The following SND1 variants were observed in gnomAD, a reference collection of about 807,000 sequenced individuals.
SND1 encodes the protein staphylococcal nuclease and tudor domain containing 1.
In SND1, 38 loss-of-function variants were observed where a neutral mutation model predicts 121.7. The observed-to-expected ratio is 0.31, with a 90% confidence interval of 0.24 to 0.41. The LOEUF (loss-of-function observed/expected upper bound fraction) is 0.41. Ranked by LOEUF, SND1 falls within the 10% of genes least tolerant of loss-of-function variation. The pLI, the probability that SND1 is intolerant of heterozygous loss-of-function variation, is 1.00. For missense variants in SND1, 868 were observed against 1,184.6 expected (o/e 0.73, Z 3.92); for synonymous variants, 401 against 447.4 (o/e 0.90, Z 1.31).
At chr7:127,972,023 C>A (rs1310273973) in intron 15 of SND1, among the ~76,000 whole-genome samples, 1 of 152,132 alleles carries the variant, frequency 6.6e-6, no homozygotes, top group East Asian at 1.9e-4. Context: ...AGTCCACCCG[C>A]CTCGGCCTCC....
chr7:127,786,342 A>G (rs17730300), intron 10 of SND1, among the ~76,000 whole-genome samples: 2,188 of 152,326 alleles, frequency 0.014, 35 homozygotes, highest in Non-Finnish European at 0.018. Flanking sequence ...GTTCAGTTAG[A>G]TAAGTAAAGA....
At chr7:127,981,075 G>GACGT (rs1282563164) in intron 15 of SND1, among the ~76,000 whole-genome samples, 2 of 152,200 alleles carry the variant, frequency 1.3e-5, no homozygotes, top group Non-Finnish European at 2.9e-5. Flanking sequence ...TCCTTGCTCA[G>GACGT]ACGTAGCATT....
chr7:127,918,606 A>G (rs998047936), intron 14 of SND1, among the ~76,000 whole-genome samples: 2 of 152,190 alleles, frequency 1.3e-5, no homozygotes, highest in African/African-American at 4.8e-5. Context: ...CTATACAGTC[A>G]GGTCCTAGAA....
intron 10 of SND1, among the ~76,000 whole-genome samples, chr7:127,761,094 G>T (rs1797297634): frequency 1.3e-5 from 2 of 152,116 alleles, no homozygotes; most frequent in Non-Finnish European, 2.9e-5. Flanking sequence ...TCTCCATATG[G>T]TTTTCTAGGC....
At chr7:127,922,603 G>T (rs540808117) in intron 14 of SND1, among the ~76,000 whole-genome samples, 80 of 152,276 alleles carry the variant, frequency 5.3e-4, no homozygotes, top group Non-Finnish European at 1.0e-3. Flanking sequence ...TTCCTTGCAA[G>T]TCTGATTGGA....
chr7:127,803,685 G>A (rs189737005), intron 10 of SND1, among the ~76,000 whole-genome samples: 1 of 152,228 alleles, frequency 6.6e-6, no homozygotes, highest in Admixed American at 6.5e-5. Flanking sequence ...AGGCCTGAAT[G>A]GGGGTTGAGA....
intron 16 of SND1, chr7:128,030,279 C>CCGTTG: frequency 6.2e-7 from 1 of 1,613,650 alleles, no homozygotes; most frequent in Non-Finnish European, 8.5e-7. Context: ...GCTGGCCAGG[C>CCGTTG]CGTTGAAGGC....
At chr7:127,859,724 T>C (rs1211730511) in intron 12 of SND1, among the ~76,000 whole-genome samples, 2 of 152,218 alleles carry the variant, frequency 1.3e-5, no homozygotes, top group Admixed American at 6.5e-5. Flanking sequence ...CTTGGTGTTT[T>C]ATCAGTGTAA....
intron 16 of SND1, among the ~76,000 whole-genome samples, chr7:127,995,469 A>G (rs1319095403): frequency 6.6e-6 from 1 of 152,248 alleles, no homozygotes; most frequent in Non-Finnish European, 1.5e-5. Context: ...AGAAGTAGTG[A>G]GAGATAGCAT....
chr7:128,017,864 TGCC>T (rs1803259883), intron 16 of SND1, among the ~76,000 whole-genome samples: 1 of 152,246 alleles, frequency 6.6e-6, no homozygotes, highest in South Asian at 2.1e-4. Flanking sequence ...TGACCTTCCT[TGCC>T]TGCCTTTGTT....
chr7:127,816,443 T>C (rs983940955), intron 11 of SND1, among the ~76,000 whole-genome samples: 3 of 152,286 alleles, frequency 2.0e-5, no homozygotes, highest in Admixed American at 2.0e-4. Context: ...TTGGATAAGA[T>C]ATTTTTTCTG....
chr7:127,924,016 G>A (rs1800780459), intron 14 of SND1, among the ~76,000 whole-genome samples: 1 of 148,538 alleles, frequency 6.7e-6, no homozygotes. Context: ...CTGTCCTCTT[G>A]TTCACAAGGA....
intron 16 of SND1, chr7:127,998,534 G>A (rs1396701554): frequency 6.5e-6 from 1 of 153,978 alleles, no homozygotes; most frequent in Non-Finnish European, 1.4e-5. Context: ...AATAAGCGAA[G>A]AGTTAATTTT....
chr7:127,889,324 T>C (rs1799967096), intron 13 of SND1, among the ~76,000 whole-genome samples: 1 of 152,116 alleles, frequency 6.6e-6, no homozygotes, highest in South Asian at 2.1e-4. Context: ...AATGTGATCA[T>C]GATTTCTCAT....
At chr7:127,808,168 T>G (rs1483377208) in intron 11 of SND1, among the ~76,000 whole-genome samples, 2 of 150,218 alleles carry the variant, frequency 1.3e-5, no homozygotes, top group African/African-American at 4.9e-5. Context: ...GGCTTCTTTT[T>G]TTTTTTTTTT....
At chr7:127,914,453 A>G (rs1329229973) in intron 14 of SND1, among the ~76,000 whole-genome samples, 1 of 152,164 alleles carries the variant, frequency 6.6e-6, no homozygotes, top group East Asian at 1.9e-4. Flanking sequence ...CAACATTTAC[A>G]TAATCATATT....
At chr7:128,080,325 G>A (rs997339501) in intron 17 of SND1, among the ~76,000 whole-genome samples, 8 of 152,208 alleles carry the variant, frequency 5.3e-5, no homozygotes, top group Admixed American at 2.6e-4. Context: ...ACACGCTGTC[G>A]CGTCAAATCA....
At chr7:127,719,509 A>C (rs1048204163) in intron 9 of SND1, among the ~76,000 whole-genome samples, 1 of 152,040 alleles carries the variant, frequency 6.6e-6, no homozygotes, top group African/African-American at 2.4e-5. Flanking sequence ...ATTACCATTA[A>C]TCTTCATGTT....
chr7:128,035,709 G>C (rs1461708255), intron 16 of SND1, among the ~76,000 whole-genome samples: 1 of 152,192 alleles, frequency 6.6e-6, no homozygotes, highest in Non-Finnish European at 1.5e-5. Context: ...ACTATACTTT[G>C]CTGGATTGGG....
Sources: allele counts gnomAD v4.1 joint callset (sites outside exome capture counted in the v4.1 genomes callset), GRCh38; gene constraint gnomAD v4.1.1; transcripts MANE v1.5; gene names NCBI Gene and HGNC (gene_info 2026-07-23, HGNC 2026-07-21).